Variants in MSI2 observed in about 807,000 individuals in gnomAD.
MSI2 encodes RNA-binding protein Musashi homolog 2.
A neutral mutation model predicts 45.6 loss-of-function variants in MSI2; 17 were observed. The observed-to-expected ratio is 0.37, with a 90% CI of 0.26 to 0.56. The LOEUF (loss-of-function observed/expected upper bound fraction) is 0.56, where lower values mean the gene tolerates loss of function less well. Ranked by LOEUF, MSI2 falls within the 20% of genes least tolerant of loss-of-function variation. The pLI is 0.77. For synonymous variants in MSI2, 156 were observed against 158.2 expected, an observed-to-expected ratio of 0.99 and a Z score of 0.11; for missense variants, 293 against 444.2, an observed-to-expected ratio of 0.66 and a Z score of 3.06.
At chr17:57,425,784 A>G (rs2084479901) in intron 6 of MSI2, among the ~76,000 whole-genome samples, 1 of 152,246 alleles carries the variant, frequency 6.6e-6, no homozygotes, top group Non-Finnish European at 1.5e-5. Context: ...AATTTACAAT[A>G]AGGAGATAAT....
intron 11 of MSI2, among the ~76,000 whole-genome samples, chr17:57,659,781 C>T (rs575446469): frequency 1.1e-3 from 172 of 152,292 alleles, no homozygotes; most frequent in Non-Finnish European, 2.0e-3. Context: ...CCCAAGTAGC[C>T]TCAGCTTCTA....
intron 7 of MSI2, among the ~76,000 whole-genome samples, chr17:57,582,452 G>C (rs1248997246): frequency 6.6e-6 from 1 of 151,976 alleles, no homozygotes; most frequent in Non-Finnish European, 1.5e-5. Flanking sequence ...TTACTTTAGA[G>C]AGCAATATGA....
chr17:57,614,129 C>T (rs1017269606), intron 8 of MSI2, among the ~76,000 whole-genome samples: 2 of 152,174 alleles, frequency 1.3e-5, no homozygotes, highest in African/African-American at 2.4e-5. Context: ...CGGCTCACTA[C>T]ACCCTCCACC....
At chr17:57,465,604 A>G (rs753449585) in intron 6 of MSI2, among the ~76,000 whole-genome samples, 2 of 152,076 alleles carry the variant, frequency 1.3e-5, no homozygotes, top group Admixed American at 6.5e-5. Flanking sequence ...TAATAGTTCT[A>G]TGTCCTTAAT....
chr17:57,552,558 T>C lies in MSI2; in HGVS notation c.454+22834T>C, dbSNP rs78022985. Among the ~76,000 whole-genome samples the C allele has an allele frequency of 7.5e-3, 1,146 of 152,286 alleles. 15 individuals are homozygous for C. The highest frequency in any genetic ancestry group is 0.026 in the African/African-American group (1,097 of 41,546). ...GGGCTTTCTTGATCTCTGAGTGTCT[T>C]TTTTAATCCCTATTGCCCAGCAACG... On this transcript the variant is annotated intron_variant, in intron 7 of 13. Coordinates refer to ENST00000284073, the MANE Select transcript of MSI2 (RefSeq NM_138962.4). The surrounding 1 kb of genome is among the most constrained non-coding windows in gnomAD (Gnocchi z 4.3).
intron 5 of MSI2, among the ~76,000 whole-genome samples, chr17:57,276,351 G>T (rs966687157): frequency 1.2e-4 from 18 of 152,142 alleles, no homozygotes; most frequent in Non-Finnish European, 2.6e-4. Flanking sequence ...CTCCCCTCCC[G>T]CCTGGCGTCT....
chr17:57,342,984 AT>A (rs1567769048), intron 5 of MSI2, among the ~76,000 whole-genome samples: 2 of 152,164 alleles, frequency 1.3e-5, no homozygotes, highest in Non-Finnish European at 2.9e-5. Context: ...GTTCTGTGAC[AT>A]TTATTCCTTT....
chr17:57,398,194 C>A (rs1254335483), intron 5 of MSI2, among the ~76,000 whole-genome samples: 1 of 152,136 alleles, frequency 6.6e-6, no homozygotes, highest in Non-Finnish European at 1.5e-5. Context: ...GGAATGAAGA[C>A]ATGTTGTTTG....
At chr17:57,345,386 CT>C (rs1915517781) in intron 5 of MSI2, among the ~76,000 whole-genome samples, 1 of 152,208 alleles carries the variant, frequency 6.6e-6, no homozygotes, top group African/African-American at 2.4e-5. Flanking sequence ...TTCCCAACCC[CT>C]GAGAGGTAAC....
chr17:57,282,274 G>C (rs117494554), intron 5 of MSI2, among the ~76,000 whole-genome samples: 1 of 152,110 alleles, frequency 6.6e-6, no homozygotes, highest in African/African-American at 2.4e-5. Flanking sequence ...GGCCAGTTGC[G>C]TATTTTCCAA....
chr17:57,469,148 C>T (rs2143672755), intron 6 of MSI2, among the ~76,000 whole-genome samples: 1 of 152,312 alleles, frequency 6.6e-6, no homozygotes, highest in East Asian at 1.9e-4. Context: ...ACAGCCCTGG[C>T]CTTGTTGGCT....
At chr17:57,307,262 T>C (rs946411535) in intron 5 of MSI2, among the ~76,000 whole-genome samples, 1 of 152,222 alleles carries the variant, frequency 6.6e-6, no homozygotes, top group African/African-American at 2.4e-5. Context: ...TCTAATCAGT[T>C]GACTTTAAGT....
At chr17:57,572,774 A>T (rs748993560) in intron 7 of MSI2, among the ~76,000 whole-genome samples, 13 of 152,250 alleles carry the variant, frequency 8.5e-5, no homozygotes, top group Non-Finnish European at 1.5e-4. Context: ...TCCATTCGTC[A>T]GCACGGCGCC....
intron 4 of MSI2, among the ~76,000 whole-genome samples, chr17:57,259,065 A>G (rs186612125): frequency 4.5e-4 from 69 of 152,270 alleles, no homozygotes; most frequent in Non-Finnish European, 8.5e-4. Context: ...CAGAGGTCAG[A>G]AGGGGAAGGG....
rs557286689 is a variant in MSI2, at chr17:57,584,469, A to T, written c.455-12399A>T. Among the ~76,000 whole-genome samples the T allele has an allele frequency of 8.5e-5, 13 of 152,278 alleles. No homozygotes were observed. The East Asian group carries it at 2.5e-3, about 29-fold the overall frequency. ...TGGGGTCATGGAGATGCTGGCAGGA[A>T]TGACCCCCCTGTGGGGGGCGCGGAG... On this transcript the variant is annotated intron_variant, in intron 7 of 13. Transcript: ENST00000284073.
At chr17:57,304,818 A>G (rs996234638) in intron 5 of MSI2, among the ~76,000 whole-genome samples, 3 of 152,178 alleles carry the variant, frequency 2.0e-5, no homozygotes, top group Admixed American at 6.5e-5. Context: ...CTCTTTCAGC[A>G]TAGGGTGAAA....
At chr17:57,259,214 A>G (rs1180031241) in intron 4 of MSI2, among the ~76,000 whole-genome samples, 1 of 151,972 alleles carries the variant, frequency 6.6e-6, no homozygotes, top group African/African-American at 2.4e-5. Context: ...TTTTATTAAT[A>G]TATATCTGCC....
intron 11 of MSI2, among the ~76,000 whole-genome samples, chr17:57,670,005 C>T (rs1598511511): frequency 6.6e-6 from 1 of 152,342 alleles, no homozygotes; most frequent in East Asian, 1.9e-4. Context: ...CCCACCACAC[C>T]AGGAGCTGGG....
At position 57,365,725 on chromosome 17, in the gene MSI2, A is replaced by G. The variant is rs566628669; in HGVS notation, c.313-35654A>G. 2.2e-3 allele frequency among the ~76,000 whole-genome samples: 340 copies of G among 152,298 alleles called. 3 individuals carry two copies. Among genetic ancestry groups the G allele is most frequent in the Non-Finnish European group, 1.4e-3 (97 of 68,030 alleles). ...GATAGTGTGAGAAAGGCTGGCAATG[A>G]GCAAACAGAGAATGTTGTCCTGGGA... On this transcript the variant is annotated intron_variant, in intron 5 of 13. Transcript: ENST00000284073.
Sources: allele counts gnomAD v4.1 joint callset (sites outside exome capture counted in the v4.1 genomes callset), GRCh38; gene constraint gnomAD v4.1.1; non-coding constraint Gnocchi (gnomAD v3.1); transcripts MANE v1.5; gene names NCBI Gene and HGNC (gene_info 2026-07-23, HGNC 2026-07-21).